Variants in GRID1 observed in about 807,000 individuals in gnomAD.
The protein encoded by GRID1 is glutamate receptor ionotropic, delta-1.
A neutral mutation model predicts 98.0 loss-of-function variants in GRID1; 28 were observed. The observed-to-expected ratio is 0.29, with a 90% confidence interval of 0.21 to 0.39. The LOEUF (loss-of-function observed/expected upper bound fraction) is 0.39, where lower values mean the gene tolerates loss of function less well. GRID1 is among the 10% of genes least tolerant of loss of function. The pLI is 1.00. For missense variants in GRID1, 1,111 were observed against 1,340.5 expected, an observed-to-expected ratio of 0.83 and a Z score of 2.67; for synonymous variants, 553 against 538.5, an observed-to-expected ratio of 1.03 and a Z score of -0.37.
chr10:85,689,743 G>C (rs1437643424), intron 12 of GRID1, among the ~76,000 whole-genome samples: 1 of 152,128 alleles, frequency 6.6e-6, no homozygotes, highest in Non-Finnish European at 1.5e-5. Flanking sequence ...TTTAAAAGGA[G>C]GAGGAAGGAC....
intron 5 of GRID1, among the ~76,000 whole-genome samples, chr10:85,899,962 G>A (rs990589088): frequency 2.0e-5 from 3 of 152,138 alleles, no homozygotes; most frequent in African/African-American, 7.2e-5. Context: ...TATTCATTTG[G>A]GATTCTCCAG....
At chr10:86,095,133 T>C (rs775007269) in intron 4 of GRID1, among the ~76,000 whole-genome samples, 3 of 152,186 alleles carry the variant, frequency 2.0e-5, no homozygotes, top group Non-Finnish European at 4.4e-5. Context: ...CAATTGGTGC[T>C]GGGATAATTG....
intron 8 of GRID1, among the ~76,000 whole-genome samples, chr10:85,774,170 G>A (rs541329162): frequency 7.8e-4 from 118 of 152,142 alleles, no homozygotes; most frequent in Middle Eastern, 3.4e-3. Context: ...AAATAACGCC[G>A]CATATCTACA....
intron 4 of GRID1, among the ~76,000 whole-genome samples, chr10:86,008,295 A>G (rs1842887366): frequency 6.6e-6 from 1 of 152,164 alleles, no homozygotes; most frequent in African/African-American, 2.4e-5. Flanking sequence ...AAGGAGGGTT[A>G]TAGCCCTCTT....
chr10:85,696,160 T>A (rs1288552595), intron 12 of GRID1, among the ~76,000 whole-genome samples: 2 of 152,088 alleles, frequency 1.3e-5, no homozygotes, highest in African/African-American at 4.8e-5. Context: ...GGTTCTACAA[T>A]AGGGGAAATA....
intron 4 of GRID1, among the ~76,000 whole-genome samples, chr10:86,090,144 C>T (rs1844123903): frequency 6.6e-6 from 1 of 151,870 alleles, no homozygotes; most frequent in South Asian, 2.1e-4. Flanking sequence ...TATGGCCGTG[C>T]CTGGTGGTGA....
At chr10:86,342,986 ATGGAC>A in intron 2 of GRID1, among the ~76,000 whole-genome samples, 1 of 134,938 alleles carries the variant, frequency 7.4e-6, no homozygotes, top group Non-Finnish European at 1.7e-5. Context: ...GAACAAATGA[ATGGAC>A]ATTTCCTTTA....
At chr10:85,959,974 T>C (rs945793289) in intron 4 of GRID1, among the ~76,000 whole-genome samples, 2 of 152,172 alleles carry the variant, frequency 1.3e-5, no homozygotes, top group African/African-American at 4.8e-5. Flanking sequence ...CTCCGCCTTC[T>C]GGGTTCAAGT....
intron 2 of GRID1, among the ~76,000 whole-genome samples, chr10:86,219,080 C>T (rs1327703368): frequency 6.6e-6 from 1 of 152,254 alleles, no homozygotes; most frequent in Non-Finnish European, 1.5e-5. Context: ...TGCCCACACC[C>T]ACCTCACTCC....
intron 12 of GRID1, among the ~76,000 whole-genome samples, chr10:85,685,792 T>G (rs1252841864): frequency 6.6e-6 from 1 of 152,134 alleles, no homozygotes; most frequent in Non-Finnish European, 1.5e-5. Flanking sequence ...AAGCAGTAAT[T>G]TTCTGATAGG....
At chr10:86,151,807 G>C (rs144408359) in intron 3 of GRID1, among the ~76,000 whole-genome samples, 1 of 152,122 alleles carries the variant, frequency 6.6e-6, no homozygotes, top group African/African-American at 2.4e-5. Context: ...GCAGTGTCTC[G>C]GGATCTGCGC....
chr10:85,769,459 G>T (rs969672918), intron 8 of GRID1, among the ~76,000 whole-genome samples: 1 of 152,196 alleles, frequency 6.6e-6, no homozygotes, highest in African/African-American at 2.4e-5. Flanking sequence ...ACTAGGGAGT[G>T]CCAGACAGTG....
At chr10:86,013,299 C>T (rs1842942112) in intron 4 of GRID1, among the ~76,000 whole-genome samples, 1 of 152,180 alleles carries the variant, frequency 6.6e-6, no homozygotes, top group Admixed American at 6.5e-5. Context: ...ATGACTACAT[C>T]CCTAGAGAAA....
At chr10:85,852,106 T>G (rs932829482) in intron 8 of GRID1, among the ~76,000 whole-genome samples, 1 of 152,230 alleles carries the variant, frequency 6.6e-6, no homozygotes, top group Non-Finnish European at 1.5e-5. Context: ...CACAAACATT[T>G]GCTACAGTAA....
At chr10:86,305,562 G>C (rs891837783) in intron 2 of GRID1, among the ~76,000 whole-genome samples, 9 of 152,168 alleles carry the variant, frequency 5.9e-5, no homozygotes, top group African/African-American at 2.2e-4. Flanking sequence ...GGCCCCAAAG[G>C]CTGTGGAGGC....
At chr10:86,015,606 C>G (rs1842970908) in intron 4 of GRID1, among the ~76,000 whole-genome samples, 1 of 152,232 alleles carries the variant, frequency 6.6e-6, no homozygotes, top group Non-Finnish European at 1.5e-5. Flanking sequence ...CAGCCACGTT[C>G]AGCAACAGCC....
At chr10:86,261,064 C>G (rs1392892115) in intron 2 of GRID1, among the ~76,000 whole-genome samples, 1 of 152,226 alleles carries the variant, frequency 6.6e-6, no homozygotes, top group African/African-American at 2.4e-5. Flanking sequence ...CCACAGGGAG[C>G]AAAACACCCA....
At chr10:86,352,361 T>G (rs1443046196) in intron 2 of GRID1, among the ~76,000 whole-genome samples, 1 of 152,210 alleles carries the variant, frequency 6.6e-6, no homozygotes, top group African/African-American at 2.4e-5. Context: ...TGTCTTAGTC[T>G]GCTCTGGCTG....
intron 12 of GRID1, among the ~76,000 whole-genome samples, chr10:85,712,834 A>G (rs1261790214): frequency 1.3e-5 from 2 of 151,590 alleles, no homozygotes; most frequent in Non-Finnish European, 3.0e-5. Flanking sequence ...GATCATAGAA[A>G]AAATCAAAAG....
Sources: allele counts gnomAD v4.1 joint callset (sites outside exome capture counted in the v4.1 genomes callset), GRCh38; gene constraint gnomAD v4.1.1; transcripts MANE v1.5; gene names NCBI Gene and HGNC (gene_info 2026-07-23, HGNC 2026-07-21).